The following ZMYM2 variants were observed in gnomAD, a reference collection of about 807,000 sequenced individuals.
ZMYM2 encodes the protein zinc finger MYM-type containing 2, also known as zinc finger MYM-type protein 2.
Under a neutral mutation model 162.8 loss-of-function variants are expected in ZMYM2, and 56 were observed. That is an observed-to-expected ratio of 0.34 (90% CI 0.28 to 0.43). ZMYM2 has a LOEUF of 0.43. Ranked by LOEUF, ZMYM2 falls within the 20% of genes least tolerant of loss-of-function variation. ZMYM2 has a pLI of 1.00. For missense variants in ZMYM2, 1,275 were observed against 1,621.8 expected, an observed-to-expected ratio of 0.79 and a Z score of 3.67; for synonymous variants, 510 against 541.6, an observed-to-expected ratio of 0.94 and a Z score of 0.81.
chr13:19,980,169 G>A (rs187890944), intron 2 of ZMYM2, among the ~76,000 whole-genome samples: 2 of 151,884 alleles, frequency 1.3e-5, no homozygotes, highest in Admixed American at 1.3e-4. Flanking sequence ...ATGATGAGGG[G>A]TAGGTGGCTC....
At chr13:20,069,775 C>CTT (rs1268717975) in intron 21 of ZMYM2, among the ~76,000 whole-genome samples, 1 of 150,174 alleles carries the variant, frequency 6.7e-6, no homozygotes, top group Non-Finnish European at 1.5e-5. Context: ...TCAGAGTTTT[C>CTT]TTTTTTTAAC....
chr13:19,948,203 C>T, the ZMYM2 span, among the ~76,000 whole-genome samples: 3 of 152,148 alleles, frequency 2.0e-5, no homozygotes, highest in Non-Finnish European at 2.9e-5. Flanking sequence ...TCTTACAAAA[C>T]TAAACATACT....
In ZMYM2 at chr13:20,088,663, C is replaced by T. The variant is rs1315194034; in HGVS notation, c.*2649C>T. On this transcript the variant is annotated 3_prime_UTR_variant, in exon 25 of 25. Transcript: ENST00000610343. ...AAAATAATTTTTGCTTAAATAGTAA[C>T]TCATGGTTTTCTTTTATTAAATGGG... is the stretch of plus-strand genomic sequence containing the variant. The T allele has an allele frequency of 3.6e-5, 7 of 194,146 alleles. No homozygotes were observed. Among genetic ancestry groups the T allele is most frequent in the Non-Finnish European group, 7.5e-5 (7 of 93,244 alleles). 12.0% of individuals were successfully genotyped at this position (194,146 alleles called of 1,614,324 possible).
the ZMYM2 span, among the ~76,000 whole-genome samples, chr13:19,895,306 T>TA: frequency 6.6e-6 from 1 of 151,922 alleles, no homozygotes; most frequent in South Asian, 2.1e-4. Context: ...GTAATTCCAG[T>TA]TCTGGATATA....
the ZMYM2 span, among the ~76,000 whole-genome samples, chr13:19,938,754 C>T: frequency 2.6e-5 from 4 of 151,458 alleles, no homozygotes; most frequent in African/African-American, 9.7e-5. Flanking sequence ...CAGGAGATTC[C>T]AGCCTGAGTC....
intron 6 of ZMYM2, 148 bp downstream of exon 6, chr13:20,006,734 A>T: frequency 1.2e-6 from 1 of 848,434 alleles, no homozygotes; most frequent in Non-Finnish European, 1.8e-6. Flanking sequence ...GAGCATACTG[A>T]ATGCATAGTG....
the ZMYM2 span, among the ~76,000 whole-genome samples, chr13:19,952,811 C>T: frequency 6.6e-6 from 1 of 152,122 alleles, no homozygotes; most frequent in Admixed American, 6.6e-5. Context: ...CCTCAGTTCA[C>T]TGAAGAAACT....
intron 12 of ZMYM2, among the ~76,000 whole-genome samples, chr13:20,041,598 AG>A (rs1391226844): frequency 6.6e-6 from 1 of 152,102 alleles, no homozygotes; most frequent in Non-Finnish European, 1.5e-5. Context: ...TCATGATGTT[AG>A]CTGGTTATTT....
chr13:19,984,708 A>T (rs1195369266), intron 2 of ZMYM2, among the ~76,000 whole-genome samples: 1 of 152,198 alleles, frequency 6.6e-6, no homozygotes, highest in African/African-American at 2.4e-5. Context: ...TTGAAACATT[A>T]TTTCTATGAT....
At position 20,004,670 on chromosome 13, in the gene ZMYM2, G is replaced by A. The variant is rs558322615; in HGVS notation, c.1134-404G>A. 1.3e-4 allele frequency among the ~76,000 whole-genome samples: 20 copies of A among 149,576 alleles called. No homozygotes were observed. In the South Asian group the frequency reaches 1.9e-3, roughly 14 times the overall value. ...TTAAGTTCAGTTATCCCTCTAGAAC[G>A]TATACCATATTCCCCATAACCCAGA... On this transcript the variant is annotated intron_variant, in intron 4 of 24. Transcript: ENST00000610343.
intron 11 of ZMYM2, among the ~76,000 whole-genome samples, chr13:20,036,167 A>G (rs996377467): frequency 6.6e-6 from 1 of 152,174 alleles, no homozygotes; most frequent in African/African-American, 2.4e-5. Flanking sequence ...ATAAATAAGG[A>G]TATGTAAAAA....
chr13:19,878,814 T>C, the ZMYM2 span, among the ~76,000 whole-genome samples: 4 of 152,166 alleles, frequency 2.6e-5, no homozygotes, highest in African/African-American at 9.7e-5. Flanking sequence ...TGCCCAGCCC[T>C]TTGCCCATTT....
the ZMYM2 span, among the ~76,000 whole-genome samples, chr13:19,881,609 G>A: frequency 6.6e-6 from 1 of 151,460 alleles, no homozygotes; most frequent in Non-Finnish European, 1.5e-5. Context: ...GCAACAGAGT[G>A]AGACTCAGTC....
rs1260408540 is a variant in ZMYM2 at position 19,993,251 on chromosome 13, T to A, written c.179T>A (p.Val60Asp). The A allele has an allele frequency of 6.2e-6, 10 of 1,613,998 alleles. No individual in the cohort carries two copies. Among genetic ancestry groups the A allele is most frequent in the East Asian group, 2.2e-5 (1 of 44,868 alleles). Residue 60 changes from valine (V) to aspartate (D), a missense_variant, in exon 3 of 25, where the codon GTT becomes GAT. Around this residue, in one of 10 missense-constraint regions of ZMYM2, gnomAD observed 295 missense variants for 286.7 expected, o/e 1.03. Coordinates refer to ENST00000610343, the MANE Select transcript of ZMYM2 (RefSeq NM_197968.4). The part of the protein sequence containing the change: ...QNSSVEDDDD[V>D]VFIEPVQPPP... The stretch of plus-strand genomic sequence containing the variant: ...TCGTCAGTGGAAGATGATGATGATG[T>A]TGTTTTTATCGAACCTGTACAACCT...
At chr13:20,019,269 T>A (rs891295726) in intron 6 of ZMYM2, among the ~76,000 whole-genome samples, 4 of 152,230 alleles carry the variant, frequency 2.6e-5, no homozygotes, top group Middle Eastern at 3.4e-3. Flanking sequence ...ACTCAGAAAT[T>A]AGAGGTGAGT....
the ZMYM2 span, among the ~76,000 whole-genome samples, chr13:19,946,503 C>T: frequency 2.0e-5 from 3 of 152,238 alleles, 1 homozygote; most frequent in Non-Finnish European, 2.9e-5. Context: ...TAATCATTAG[C>T]GATGGTCCTC....
At chr13:19,892,362 C>G in the ZMYM2 span, among the ~76,000 whole-genome samples, 1 of 152,002 alleles carries the variant, frequency 6.6e-6, no homozygotes, top group East Asian at 1.9e-4. Context: ...AGCTCCGCCT[C>G]CTGGGTTCAC....
the ZMYM2 span, among the ~76,000 whole-genome samples, chr13:19,896,147 T>C: frequency 1.3e-5 from 2 of 151,332 alleles, no homozygotes; most frequent in Admixed American, 1.3e-4. Flanking sequence ...CTTTTAATTC[T>C]TTCGGGTATG....
chr13:20,059,331 A>AG (rs1491419606), intron 15 of ZMYM2, 116 bp from the exon 16 acceptor site: 2 of 818,268 alleles, frequency 2.4e-6, no homozygotes, highest in Non-Finnish European at 3.1e-6. Flanking sequence ...ACTGGGAATT[A>AG]AAAAAAAAAA....
Sources: gnomAD v4.1 joint callset for allele counts (sites outside exome capture counted in the v4.1 genomes callset) on GRCh38, gnomAD v4.1.1 for gene constraint, gnomAD v4.1.1 regional missense constraint, MANE v1.5 for transcripts, NCBI Gene and HGNC (gene_info 2026-07-23, HGNC 2026-07-21) for gene names.